Variants in PRKG1 observed in about 807,000 individuals in gnomAD.
PRKG1 encodes protein kinase cGMP-dependent 1.
In PRKG1, 35 loss-of-function variants were observed where a neutral mutation model predicts 88.1. The observed-to-expected ratio is 0.40, with a 90% CI of 0.30 to 0.53. The LOEUF is 0.53. Among genes scored for constraint, PRKG1 ranks in the 20% least tolerant of loss-of-function variants. The probability of loss-of-function intolerance (pLI) is 0.59; values close to 1 mark genes in which losing one functional copy is unlikely to be tolerated. For synonymous variants in PRKG1, 303 were observed against 292.5 expected, an observed-to-expected ratio of 1.04 and a Z score of -0.37; for missense variants, 540 against 839.8, an observed-to-expected ratio of 0.64 and a Z score of 4.41.
At chr10:51,392,645 G>A (rs1484117877) in intron 2 of PRKG1, among the ~76,000 whole-genome samples, 3 of 151,560 alleles carry the variant, frequency 2.0e-5, no homozygotes, top group Non-Finnish European at 4.4e-5. Flanking sequence ...TGAGCTGTTG[G>A]GTACACCTCC....
intron 2 of PRKG1, among the ~76,000 whole-genome samples, chr10:51,169,015 A>G (rs932423579): frequency 6.6e-6 from 1 of 152,192 alleles, no homozygotes; most frequent in African/African-American, 2.4e-5. Context: ...TTAGCGTCGC[A>G]GAACATTGAA....
intron 5 of PRKG1, among the ~76,000 whole-genome samples, chr10:52,014,468 A>C (rs1480187795): frequency 6.6e-6 from 1 of 152,142 alleles, no homozygotes; most frequent in Non-Finnish European, 1.5e-5. Flanking sequence ...TGTCCTCAAC[A>C]CTTGGGAATT....
At chr10:51,517,534 C>G (rs1488156075) in intron 3 of PRKG1, among the ~76,000 whole-genome samples, 1 of 152,108 alleles carries the variant, frequency 6.6e-6, no homozygotes, top group Non-Finnish European at 1.5e-5. Context: ...GGTGCCATTC[C>G]CCAAGATTGA....
At chr10:51,258,473 A>AT (rs1022483312) in intron 2 of PRKG1, among the ~76,000 whole-genome samples, 1 of 152,094 alleles carries the variant, frequency 6.6e-6, no homozygotes, top group Non-Finnish European at 1.5e-5. Flanking sequence ...CTATTTCTTT[A>AT]TTTTCTTTAT....
intron 3 of PRKG1, among the ~76,000 whole-genome samples, chr10:51,506,881 G>A (rs1841224706): frequency 1.3e-5 from 2 of 152,070 alleles, no homozygotes; most frequent in African/African-American, 2.4e-5. Context: ...AATCACAATA[G>A]CAAAGACTTG....
At chr10:52,157,516 G>A (rs1296036707) in intron 8 of PRKG1, among the ~76,000 whole-genome samples, 1 of 150,784 alleles carries the variant, frequency 6.6e-6, no homozygotes, top group South Asian at 2.1e-4. Flanking sequence ...ATTCTTTTTA[G>A]ACATACCATT....
intron 5 of PRKG1, among the ~76,000 whole-genome samples, chr10:51,943,858 G>C (rs1371136435): frequency 1.3e-5 from 2 of 152,000 alleles, no homozygotes; most frequent in Non-Finnish European, 2.9e-5. Context: ...CTGTTTGCCA[G>C]TATTTTATTG....
chr10:51,219,956 T>C (rs977678471), intron 2 of PRKG1, among the ~76,000 whole-genome samples: 9 of 152,072 alleles, frequency 5.9e-5, no homozygotes, highest in East Asian at 1.9e-4. Flanking sequence ...TATTCTGTTA[T>C]ATGGACCAGC....
intron 2 of PRKG1, among the ~76,000 whole-genome samples, chr10:51,275,940 C>A (rs1840104294): frequency 6.6e-6 from 1 of 151,150 alleles, no homozygotes; most frequent in Non-Finnish European, 1.5e-5. Flanking sequence ...AGAAAAAAGC[C>A]TAAAGCAAAG....
At chr10:51,201,453 A>G (rs1589239576) in intron 2 of PRKG1, among the ~76,000 whole-genome samples, 1 of 152,204 alleles carries the variant, frequency 6.6e-6, no homozygotes, top group Non-Finnish European at 1.5e-5. Flanking sequence ...ACTTTGACTC[A>G]AAAAAATAAA....
intron 2 of PRKG1, among the ~76,000 whole-genome samples, chr10:51,184,206 C>T (rs1295280758): frequency 6.6e-6 from 1 of 152,154 alleles, no homozygotes; most frequent in African/African-American, 2.4e-5. Flanking sequence ...TGGATTCTCT[C>T]CCTTATTATA....
chr10:51,699,542 C>T (rs767428402), intron 3 of PRKG1: 28 of 1,609,086 alleles, frequency 1.7e-5, no homozygotes, highest in Non-Finnish European at 2.3e-5. Context: ...CACCGCCAAA[C>T]TCGACATGAT....
intron 2 of PRKG1, among the ~76,000 whole-genome samples, chr10:51,359,750 G>A (rs1198203564): frequency 6.6e-6 from 1 of 151,798 alleles, no homozygotes; most frequent in Non-Finnish European, 1.5e-5. Context: ...TAAAGTATGA[G>A]GCAGGTGTGT....
intron 3 of PRKG1, among the ~76,000 whole-genome samples, chr10:51,718,630 A>C (rs1414604590): frequency 1.3e-5 from 2 of 152,336 alleles, no homozygotes; most frequent in African/African-American, 4.8e-5. Flanking sequence ...TGAATAAATA[A>C]ATAAATGAGG....
chr10:51,855,002 G>A (rs17631340), intron 4 of PRKG1, among the ~76,000 whole-genome samples: 22,544 of 152,166 alleles, frequency 0.15, 1,843 homozygotes, highest in South Asian at 0.21. Flanking sequence ...AAGTGGATGA[G>A]TGTTAAAACC....
chr10:51,352,622 C>G (rs780097111), intron 2 of PRKG1, among the ~76,000 whole-genome samples: 6 of 152,006 alleles, frequency 3.9e-5, no homozygotes, highest in Non-Finnish European at 8.8e-5. Context: ...GAAAGATATT[C>G]CATGTTCCTG....
intron 7 of PRKG1, among the ~76,000 whole-genome samples, chr10:52,067,706 G>A (rs1846386439): frequency 6.8e-6 from 1 of 147,178 alleles, no homozygotes; most frequent in Non-Finnish European, 1.5e-5. Context: ...AGTATTGTTT[G>A]GCTCAAGCAT....
chr10:51,229,473 C>A (rs960737193), intron 2 of PRKG1, among the ~76,000 whole-genome samples: 2 of 152,080 alleles, frequency 1.3e-5, no homozygotes, highest in African/African-American at 4.8e-5. Context: ...AGTCAGGTGA[C>A]AAGGGTGGAA....
chr10:52,192,905 T>C lies in PRKG1; in HGVS notation c.1076+30942T>C, dbSNP rs543094420. On this transcript the variant is annotated intron_variant, in intron 9 of 17. Coordinates refer to ENST00000373980, the MANE Select transcript of PRKG1 (RefSeq NM_006258.4). ...CCCAAGCAATTTCCATGTAAGACAG[T>C]TGAGGCAAAAGGCTTTACAATATCC... 1.1e-3 allele frequency among the ~76,000 whole-genome samples: 164 copies of C among 152,244 alleles called. 1 individual carries two copies. Among genetic ancestry groups the C allele is most frequent in the African/African-American group, 3.7e-3 (155 of 41,550 alleles).
Sources: allele counts gnomAD v4.1 joint callset (sites outside exome capture counted in the v4.1 genomes callset), GRCh38; gene constraint gnomAD v4.1.1; transcripts MANE v1.5; gene names NCBI Gene and HGNC (gene_info 2026-07-23, HGNC 2026-07-21).